PPP2R5C: variants seen among roughly 807,000 people sequenced by gnomAD.
PPP2R5C encodes protein phosphatase 2 regulatory subunit B'gamma.
A neutral mutation model predicts 68.9 loss-of-function variants in PPP2R5C; 7 were observed. The observed-to-expected ratio is 0.10, with a 90% CI of 0.06 to 0.19. The LOEUF (loss-of-function observed/expected upper bound fraction) is 0.19. Among genes scored for constraint, PPP2R5C ranks in the 10% least tolerant of loss-of-function variants. The probability of loss-of-function intolerance (pLI) is 1.00; values close to 1 mark genes in which losing one functional copy is unlikely to be tolerated. For missense variants in PPP2R5C, 348 were observed against 641.3 expected (o/e 0.54, Z 4.94); for synonymous variants, 210 against 222.2 (o/e 0.95, Z 0.49).
chr14:101,801,932 T>G (rs1011951933), intron 3 of PPP2R5C, among the ~76,000 whole-genome samples: 1 of 152,210 alleles, frequency 6.6e-6, no homozygotes, highest in Non-Finnish European at 1.5e-5. Context: ...ACATCCTGAC[T>G]TTAAAACTTA....
At chr14:101,861,770 A>G (rs1415982192) in intron 2 of PPP2R5C, among the ~76,000 whole-genome samples, 2 of 152,200 alleles carry the variant, frequency 1.3e-5, no homozygotes, top group Non-Finnish European at 2.9e-5. Flanking sequence ...TTACCTGAAA[A>G]CTGACAGACA....
chr14:101,765,358 A>C (rs544560436), intron 2 of PPP2R5C: 12 of 660,132 alleles, frequency 1.8e-5, no homozygotes, highest in South Asian at 1.4e-4. Flanking sequence ...TTGACCCTTA[A>C]ATTTTATTAT....
intron 2 of PPP2R5C, chr14:101,765,170 C>G (rs1037153504): frequency 1.4e-6 from 1 of 702,648 alleles, no homozygotes; most frequent in African/African-American, 1.7e-5. Context: ...TGTCTAAGAG[C>G]TGGAGCTACA....
Position 101,925,458 on chromosome 14 carries a change from C to A in PPP2R5C, c.*186C>A, listed in dbSNP as rs1470583918. 10 of 1,079,742 alleles carry A rather than the reference C, an allele frequency of 9.3e-6. No homozygotes were observed. The East Asian group carries it at 2.5e-4, about 27-fold the overall frequency. 66.9% of individuals were successfully genotyped at this position (1,079,742 alleles called of 1,614,324 possible). A position where few individuals can be genotyped will look rare whatever the true frequency, so the allele number is the denominator to read the frequency against. On this transcript the variant is annotated 3_prime_UTR_variant, in exon 14 of 14. Transcript: ENST00000334743. ...TCAAACAATGGTGACTTCCCAGAGC[C>A]CGCTGGCAGAGCCGCGGGTTGACGA...
At chr14:101,842,757 C>CTTT (rs60913362) in intron 1 of PPP2R5C, among the ~76,000 whole-genome samples, 1 of 137,872 alleles carries the variant, frequency 7.3e-6, no homozygotes, top group African/African-American at 2.7e-5. Flanking sequence ...TGTCTTTTTT[C>CTTT]TTTTTTTTTT....
exon 4 of PPP2R5C, chr14:101,883,263 T>C: frequency 6.5e-7 from 1 of 1,548,374 alleles, no homozygotes; most frequent in Non-Finnish European, 8.8e-7. Flanking sequence ...CTAGCTTGTT[T>C]ATGAATTTTT....
chr14:101,820,355 T>G (rs945227493), intron 1 of PPP2R5C: 2 of 152,084 alleles, frequency 1.3e-5, no homozygotes, highest in African/African-American at 4.8e-5. Context: ...CAAGTGGGGT[T>G]TCTTGATGTA....
At position 101,909,135 on chromosome 14, in the gene PPP2R5C, G is replaced by C. The variant is rs375346219; in HGVS notation, c.1152-454G>C. 1.6e-4 allele frequency among the ~76,000 whole-genome samples: 25 copies of C among 152,254 alleles called. No individual in the cohort carries two copies. In the East Asian group the frequency reaches 4.1e-3, roughly 25 times the overall value. On this transcript the variant is annotated intron_variant, in intron 10 of 13. Coordinates refer to ENST00000334743, the Ensembl canonical transcript of PPP2R5C. ...CTGAGAGCTAAGCATTGATTAAGCT[G>C]TTTTATGCTCATTTTATTTTCTCTT...
chr14:101,920,301 G>T (rs894023311), intron 13 of PPP2R5C, among the ~76,000 whole-genome samples: 13 of 152,304 alleles, frequency 8.5e-5, no homozygotes, highest in African/African-American at 3.1e-4. Flanking sequence ...CTTAGAAAGG[G>T]GCACGTCCCC....
At chr14:101,785,735 CG>C (rs1408635329) in intron 2 of PPP2R5C, among the ~76,000 whole-genome samples, 6 of 152,136 alleles carry the variant, frequency 3.9e-5, no homozygotes, top group Non-Finnish European at 7.3e-5. Context: ...CATCTTTAGG[CG>C]TCATTATTTA....
chr14:101,807,661 T>C (rs2039129136), upstream of PPP2R5C, among the ~76,000 whole-genome samples: 1 of 152,180 alleles, frequency 6.6e-6, no homozygotes, highest in Non-Finnish European at 1.5e-5. Flanking sequence ...TGTTTATTTA[T>C]TTCTATCTTA....
chr14:101,786,933 A>G (rs1428773981), intron 3 of PPP2R5C, among the ~76,000 whole-genome samples: 1 of 152,210 alleles, frequency 6.6e-6, no homozygotes, highest in African/African-American at 2.4e-5. Flanking sequence ...ATAATAATGG[A>G]TCTTTTACAA....
intron 2 of PPP2R5C, among the ~76,000 whole-genome samples, chr14:101,869,979 C>T (rs1289429027): frequency 7.0e-6 from 1 of 143,728 alleles, no homozygotes; most frequent in Non-Finnish European, 1.5e-5. Flanking sequence ...CGCTTTTTGT[C>T]GTTTGTATAT....
At chr14:101,767,248 G>A (rs930097970) in intron 2 of PPP2R5C, among the ~76,000 whole-genome samples, 1 of 152,228 alleles carries the variant, frequency 6.6e-6, no homozygotes, top group African/African-American at 2.4e-5. Flanking sequence ...GACCTAGGGA[G>A]ACTGACAGTC....
In PPP2R5C at chr14:101,763,532, G is replaced by C. The variant is rs187369828; in HGVS notation, c.93+562G>C. Among the ~76,000 whole-genome samples, 690 of 152,140 alleles carry C rather than the reference G, an allele frequency of 4.5e-3. 4 individuals are homozygous for C. The highest frequency in any genetic ancestry group is 0.016 in the African/African-American group (652 of 41,496). ...TGAGTAGCTGGGATTACAGGCACCC[G>C]CTACCACGCCCGGCTAATTTTTGTA... On this transcript the variant is annotated intron_variant, in intron 2 of 14. Coordinates refer to the PPP2R5C transcript ENST00000328724.
chr14:101,764,211 C>T (rs573345515), intron 2 of PPP2R5C, among the ~76,000 whole-genome samples: 1 of 152,348 alleles, frequency 6.6e-6, no homozygotes, highest in South Asian at 2.1e-4. Flanking sequence ...TTTGCCTTTT[C>T]TTCCTTGTGA....
At chr14:101,839,938 T>A (rs1483768392) in intron 1 of PPP2R5C, among the ~76,000 whole-genome samples, 2 of 149,972 alleles carry the variant, frequency 1.3e-5, no homozygotes, top group Non-Finnish European at 3.0e-5. Flanking sequence ...GCCTTTCCTG[T>A]GTTGTTTGGA....
Position 101,882,971 on chromosome 14 carries a change from G to A in PPP2R5C, c.406-286G>A. The A allele has an allele frequency of 6.9e-6, 2 of 288,958 alleles. No homozygotes were observed. The highest frequency in any genetic ancestry group is 1.3e-5 in the Non-Finnish European group (2 of 155,906). 17.9% of individuals were successfully genotyped at this position (288,958 alleles called of 1,614,324 possible). ...GGTCATGGCTTGGTTTGTGGCATCT[G>A]TGCCCTGTAGTCCCTGAACAGTGTA... On this transcript the variant is annotated intron_variant, in intron 3 of 13. Transcript: ENST00000334743. The surrounding 1 kb of genome is among the most constrained non-coding windows in gnomAD (Gnocchi z 4.9).
intron 2 of PPP2R5C, chr14:101,765,378 T>A (rs1249140903): frequency 1.6e-6 from 1 of 639,684 alleles, no homozygotes; most frequent in Non-Finnish European, 2.8e-6. Context: ...TTGTTTTTTT[T>A]CCCCTCAGTC....
Sources: allele counts gnomAD v4.1 joint callset (sites outside exome capture counted in the v4.1 genomes callset), GRCh38; gene constraint gnomAD v4.1.1; non-coding constraint Gnocchi (gnomAD v3.1); transcripts MANE v1.5; gene names NCBI Gene and HGNC (gene_info 2026-07-23, HGNC 2026-07-21).